The following IL2RB variants were observed in gnomAD, a reference collection of about 807,000 sequenced individuals.
The protein encoded by IL2RB is interleukin 2 receptor subunit beta, also known as interleukin-2 receptor subunit beta.
A neutral mutation model predicts 44.2 loss-of-function variants in IL2RB; 17 were observed. The ratio of observed to expected loss-of-function variants is 0.38; its 90% CI spans 0.26 to 0.58. The LOEUF is 0.58. Among genes scored for constraint, IL2RB ranks in the 20% least tolerant of loss-of-function variants. The pLI, the probability that IL2RB is intolerant of heterozygous loss-of-function variation, is 0.63. For synonymous variants in IL2RB, 286 were observed against 297.9 expected (o/e 0.96, Z 0.41); for missense variants, 624 against 685.5 (o/e 0.91, Z 1.00).
intron 4 of IL2RB, among the ~76,000 whole-genome samples, chr22:37,140,698 G>A (rs574871947): frequency 1.1e-4 from 16 of 152,294 alleles, no homozygotes; most frequent in Admixed American, 7.8e-4. Context: ...GATGTGGTCC[G>A]GGTGTCCTTG....
At chr22:37,165,706 A>AATTTAATTTT (rs1555899392) in intron 1 of IL2RB, among the ~76,000 whole-genome samples, 4 of 150,818 alleles carry the variant, frequency 2.7e-5, no homozygotes, top group South Asian at 4.2e-4. Flanking sequence ...AATTTAATTT[A>AATTTAATTTT]ATTTTATTAT....
intron 8 of IL2RB, among the ~76,000 whole-genome samples, chr22:37,134,303 G>A (rs1921581429): frequency 6.6e-6 from 1 of 152,160 alleles, no homozygotes; most frequent in Non-Finnish European, 1.5e-5. Context: ...ATATTCTGCT[G>A]TGTTAAATCA....
chr22:37,172,215 T>TAA (rs63579164), intron 1 of IL2RB, among the ~76,000 whole-genome samples: 19,717 of 104,278 alleles, frequency 0.19, 1,722 homozygotes, highest in East Asian at 0.39. Flanking sequence ...AAAGGTAAAG[T>TAA]AAAAAAAAAA....
intron 1 of IL2RB, among the ~76,000 whole-genome samples, chr22:37,167,794 G>T (rs1464691411): frequency 6.6e-6 from 1 of 152,236 alleles, no homozygotes; most frequent in Non-Finnish European, 1.5e-5. Flanking sequence ...CACAGGTGAA[G>T]TGCATGGAGT....
intron 1 of IL2RB, among the ~76,000 whole-genome samples, chr22:37,168,612 G>A (rs1274478258): frequency 6.6e-6 from 1 of 152,242 alleles, no homozygotes; most frequent in Non-Finnish European, 1.5e-5. Flanking sequence ...ACACAGAGAA[G>A]CCATCACCCA....
intron 7 of IL2RB, among the ~76,000 whole-genome samples, chr22:37,135,899 G>T (rs772168851): frequency 3.3e-5 from 5 of 152,132 alleles, no homozygotes; most frequent in Admixed American, 6.5e-5. Context: ...TCTGCCTCAC[G>T]GTCACTGTAC....
chr22:37,137,035 C>T (rs1921743000), intron 6 of IL2RB, among the ~76,000 whole-genome samples: 1 of 152,208 alleles, frequency 6.6e-6, no homozygotes, highest in East Asian at 1.9e-4. Context: ...ATCCGGGTGC[C>T]TCACTATCCC....
At chr22:37,137,769 GCCATGACCTCCA>G in intron 5 of IL2RB, 34 bp from the exon 6 acceptor site, 1 of 1,593,850 alleles carries the variant, frequency 6.3e-7, no homozygotes, top group African/African-American at 1.3e-5. Flanking sequence ...AGAGCAGTCA[GCCATGACCTCCA>G]CCTCCCACTT....
Position 37,135,323 on chromosome 22 carries a change from C to T in IL2RB, c.818+5G>A. On this transcript the variant is annotated splice_donor_5th_base_variant and intron_variant, in intron 8 of 9. Transcript: ENST00000216223. ...CATGAAGGAAGGGGAGGAGAACCTT[C>T]TTACCATGGCCCGGTGTTCCTGCAG... The T allele has an allele frequency of 6.2e-7, 1 of 1,609,968 alleles. No individual in the cohort carries two copies. Among genetic ancestry groups the T allele is most frequent in the Non-Finnish European group, 8.5e-7 (1 of 1,176,376 alleles).
intron 1 of IL2RB, among the ~76,000 whole-genome samples, chr22:37,174,199 C>A (rs574975524): frequency 1.3e-5 from 2 of 152,304 alleles, no homozygotes; most frequent in South Asian, 2.1e-4. Context: ...TTTCACCCAC[C>A]CTTGCCACAT....
At chr22:37,160,229 GT>G (rs1231245535) in intron 1 of IL2RB, among the ~76,000 whole-genome samples, 1 of 152,244 alleles carries the variant, frequency 6.6e-6, no homozygotes, top group Non-Finnish European at 1.5e-5. Flanking sequence ...GCAGCTCCCT[GT>G]GGGGAGCAGC....
At chr22:37,154,285 G>C (rs904337058), upstream of IL2RB, among the ~76,000 whole-genome samples, 7 of 152,162 alleles carry the variant, frequency 4.6e-5, no homozygotes, top group Non-Finnish European at 7.4e-5. Flanking sequence ...GCAGGGAGGG[G>C]GCTACGCAGA....
At chr22:37,155,613 A>T (rs1922652903) in intron 1 of IL2RB, among the ~76,000 whole-genome samples, 1 of 152,152 alleles carries the variant, frequency 6.6e-6, no homozygotes, top group South Asian at 2.1e-4. Context: ...CCAGGATTAG[A>T]ACCTAGGTCT....
intron 4 of IL2RB, among the ~76,000 whole-genome samples, chr22:37,140,484 A>G (rs1921910309): frequency 6.6e-6 from 1 of 152,008 alleles, no homozygotes; most frequent in African/African-American, 2.4e-5. Context: ...AGCTGAGGAG[A>G]CTGAAGCACA....
At chr22:37,156,746 G>T (rs1368912788) in intron 1 of IL2RB, among the ~76,000 whole-genome samples, 1 of 152,194 alleles carries the variant, frequency 6.6e-6, no homozygotes, top group African/African-American at 2.4e-5. Context: ...ATAAGTAGAG[G>T]GCACACGGGC....
rs1020980392 is a variant in IL2RB at position 37,125,953 on chromosome 22, G to T, written c.*2143C>A. 4 of 152,080 alleles carry T rather than the reference G, an allele frequency of 2.6e-5. No homozygotes were observed. The highest frequency in any genetic ancestry group is 5.9e-5 in the Non-Finnish European group (4 of 68,028). The allele number at this position is 152,080 out of a possible 1,614,324, so 9.4% of individuals were successfully genotyped here. ...TAAATAAATGTATTTCAACGAAAAT[G>T]AACTGACTTAAAGAAAAAATATTAA... On this transcript the variant is annotated 3_prime_UTR_variant, in exon 10 of 10. Transcript: ENST00000216223.
chr22:37,142,561 G>A, intron 3 of IL2RB, 49 bp from the exon 4 acceptor site: 2 of 1,562,796 alleles, frequency 1.3e-6, no homozygotes, highest in Non-Finnish European at 1.8e-6. Flanking sequence ...GACCCACACA[G>A]CTGGCCCAAG....
Position 37,136,385 on chromosome 22 carries a change from G to A in IL2RB, c.546C>T (p.Pro182=). Residue 182 remains proline (P), a synonymous_variant, in exon 7 of 10, where the codon CCC becomes CCT. Transcript: ENST00000216223. ...CCTGCTTCTGCTTGAGAGTCAGCAG[G>A]GGGGCCTCCTGGGTCGGAGACAGGA... ...LSPGHTWEEA[P]LLTLKQKQEW... is the part of the protein sequence containing the mutation. 2 of 1,609,594 alleles carry A rather than the reference G, an allele frequency of 1.2e-6. No individual in the cohort carries two copies. The highest frequency in any genetic ancestry group is 1.1e-5 in the South Asian group (1 of 90,266).
At position 37,142,427 on chromosome 22, in the gene IL2RB, T is replaced by C; in HGVS notation, c.282+7A>G. 1 of 1,613,434 alleles carries C rather than the reference T, an allele frequency of 6.2e-7. No homozygotes were observed. The highest frequency in any genetic ancestry group is 2.2e-5 in the East Asian group (1 of 44,878). On this transcript the variant is annotated splice_region_variant and intron_variant, in intron 4 of 9. Transcript: ENST00000216223. ...CCCTGCACTCTCTCCCTGGGTGGGCTACTCACATCTGGGGCTCCGAGGATC... is the reference window on the plus strand; with the variant it reads ...CCCTGCACTCTCTCCCTGGGTGGGCCACTCACATCTGGGGCTCCGAGGATC...
Sources: allele counts gnomAD v4.1 joint callset (sites outside exome capture counted in the v4.1 genomes callset), GRCh38; gene constraint gnomAD v4.1.1; transcripts MANE v1.5; gene names NCBI Gene and HGNC (gene_info 2026-07-23, HGNC 2026-07-21).